The following ARNT variants were observed in gnomAD, a reference collection of about 807,000 sequenced individuals.
ARNT encodes the protein class E basic helix-loop-helix protein 2.
Under a neutral mutation model 105.0 loss-of-function variants are expected in ARNT, and 30 were observed. That is an observed-to-expected ratio of 0.29 (90% CI 0.21 to 0.39). ARNT has a LOEUF of 0.39. ARNT is among the 10% of genes least tolerant of loss of function. The pLI, the probability that ARNT is intolerant of heterozygous loss-of-function variation, is 1.00. For missense variants in ARNT, 748 were observed against 978.7 expected (o/e 0.76, Z 3.15); for synonymous variants, 304 against 344.0 (o/e 0.88, Z 1.29).
chr1:150,834,671 T>C (rs41315561), intron 7 of ARNT, 31 bp from the exon 8 acceptor site: 5 of 1,592,258 alleles, frequency 3.1e-6, no homozygotes, highest in East Asian at 4.5e-5. Flanking sequence ...CAGTCTGGAG[T>C]GCATTTTTGT....
intron 13 of ARNT, 70 bp from the exon 14 acceptor site, chr1:150,823,415 C>A (rs978197548): frequency 2.1e-5 from 31 of 1,470,560 alleles, no homozygotes; most frequent in Non-Finnish European, 2.7e-5. Flanking sequence ...TAAAAATTTT[C>A]CAATTTCTAT....
Position 150,861,197 on chromosome 1 carries a change from T to C in ARNT, c.26-2737A>G, listed in dbSNP as rs78632670. The C allele has an allele frequency of 4.2e-5, 13 of 306,868 alleles. No individual in the cohort carries two copies. The East Asian group carries it at 5.1e-4, about 12-fold the overall frequency. The allele number at this position is 306,868 out of a possible 1,614,324, so 19.0% of individuals were successfully genotyped here. Reference sequence around the variant, plus strand: ...GGCGTAACAGCAATAGAAAACAGTATGGAGATGCCTCCAAAAATTAAAAAT... The same window carrying C: ...GGCGTAACAGCAATAGAAAACAGTACGGAGATGCCTCCAAAAATTAAAAAT... On this transcript the variant is annotated intron_variant, in intron 1 of 21. Coordinates refer to ENST00000358595, the MANE Select transcript of ARNT (RefSeq NM_001668.4).
rs1655878490 is a variant in ARNT, at chr1:150,816,357, C to T, written c.1852G>A (p.Ala618Thr). 5 of 1,609,360 alleles carry T rather than the reference C, an allele frequency of 3.1e-6. No homozygotes were observed. Among genetic ancestry groups the T allele is most frequent in the Non-Finnish European group, 4.2e-6 (5 of 1,178,762 alleles). ...PVTIVQPSAS[A>T]GQMLAQISRH... ...GAAATCTGGGCCAACATCTGTCCTG[C>T]AGAAGCTGATGGCTGGACAATGGTT... The change falls in exon 19 of 22, where the codon GCA (alanine) becomes ACA (threonine). Residue 618 changes from alanine (A) to threonine (T), a missense_variant. This residue lies in a region of ARNT where 360 missense variants were observed against 411.9 expected (regional missense o/e 0.87). Transcript: ENST00000358595.
At chr1:150,864,269 T>C (rs1325117516) in intron 1 of ARNT, among the ~76,000 whole-genome samples, 1 of 152,130 alleles carries the variant, frequency 6.6e-6, no homozygotes, top group Non-Finnish European at 1.5e-5. Flanking sequence ...ACCACCATCA[T>C]ACATGCAGTC....
intron 2 of ARNT, among the ~76,000 whole-genome samples, chr1:150,856,504 T>C (rs1664640015): frequency 1.3e-5 from 2 of 152,074 alleles, no homozygotes; most frequent in Admixed American, 1.3e-4. Context: ...GGCTCATGCC[T>C]GTAATCCCAG....
intron 5 of ARNT, 31 bp downstream of exon 5, chr1:150,842,393 T>C (rs1458004023): frequency 6.2e-7 from 1 of 1,604,684 alleles, no homozygotes; most frequent in East Asian, 2.2e-5. Context: ...CATCATCTGC[T>C]TCATCATGCT....
intron 11 of ARNT, 51 bp from the exon 12 acceptor site, chr1:150,829,278 T>C (rs776046513): frequency 1.3e-6 from 2 of 1,568,602 alleles, no homozygotes; most frequent in Admixed American, 3.4e-5. Context: ...TATTTACAGA[T>C]GTATTTCCTA....
chr1:150,868,729 G>A (rs1051720243), intron 1 of ARNT, among the ~76,000 whole-genome samples: 3 of 150,726 alleles, frequency 2.0e-5, no homozygotes, highest in African/African-American at 4.9e-5. Flanking sequence ...GTGAAACCCC[G>A]TCTCTACTAA....
chr1:150,827,864 T>A (rs1286219305), intron 12 of ARNT, among the ~76,000 whole-genome samples: 1 of 152,208 alleles, frequency 6.6e-6, no homozygotes. Context: ...GCCATTCTAG[T>A]GGGTATATAG....
intron 2 of ARNT, among the ~76,000 whole-genome samples, 158 bp downstream of exon 2, chr1:150,858,191 A>G (rs2102289251): frequency 6.6e-6 from 1 of 152,366 alleles, no homozygotes; most frequent in South Asian, 2.1e-4. Flanking sequence ...AAACAAAAAT[A>G]CAGGGACTAA....
chr1:150,820,383 C>A (rs973371902), intron 14 of ARNT, among the ~76,000 whole-genome samples: 1 of 152,218 alleles, frequency 6.6e-6, no homozygotes, highest in African/African-American at 2.4e-5. Context: ...CTTACTCTGG[C>A]CAGGTGCAGT....
intron 1 of ARNT, among the ~76,000 whole-genome samples, chr1:150,867,962 A>G (rs1170397066): frequency 1.3e-5 from 2 of 152,100 alleles, no homozygotes; most frequent in African/African-American, 4.8e-5. Flanking sequence ...ACTATGAGTC[A>G]ATTAAACCTC....
chr1:150,856,013 A>T (rs1436809614), intron 2 of ARNT, among the ~76,000 whole-genome samples: 2 of 152,362 alleles, frequency 1.3e-5, no homozygotes, highest in East Asian at 1.9e-4. Flanking sequence ...TAGGCCATGT[A>T]AAACTATATA....
At chr1:150,866,692 T>TACATATACACACAC (rs1206240072) in intron 1 of ARNT, among the ~76,000 whole-genome samples, 1 of 150,056 alleles carries the variant, frequency 6.7e-6, no homozygotes, top group Admixed American at 6.6e-5. Flanking sequence ...TATACACACA[T>TACATATACACACAC]ACATATACAC....
chr1:150,828,161 AT>A (rs1658635753), intron 12 of ARNT, among the ~76,000 whole-genome samples: 1 of 151,844 alleles, frequency 6.6e-6, no homozygotes, highest in African/African-American at 2.4e-5. Context: ...CCAATTTATA[AT>A]TTTTTTTCTT....
At chr1:150,819,237 A>C (rs1355574572) in intron 14 of ARNT, among the ~76,000 whole-genome samples, 1 of 148,156 alleles carries the variant, frequency 6.7e-6, no homozygotes, top group Non-Finnish European at 1.5e-5. Context: ...AAAAAAAAAA[A>C]GGCAATAACA....
chr1:150,860,774 T>C (rs1665495972), intron 1 of ARNT, among the ~76,000 whole-genome samples: 1 of 151,270 alleles, frequency 6.6e-6, no homozygotes, highest in East Asian at 2.0e-4. Context: ...GGAGAATTAA[T>C]TGAACCCAGG....
At chr1:150,874,829 G>C (rs1286170388) in intron 1 of ARNT, among the ~76,000 whole-genome samples, 1 of 152,112 alleles carries the variant, frequency 6.6e-6, no homozygotes, top group East Asian at 1.9e-4. Flanking sequence ...CATTAACAAG[G>C]ATTCTGCACA....
intron 21 of ARNT, among the ~76,000 whole-genome samples, chr1:150,812,331 C>T (rs587595862): frequency 6.6e-6 from 1 of 152,222 alleles, no homozygotes; most frequent in South Asian, 2.1e-4. Flanking sequence ...TTTTCCTTTT[C>T]CTAGTTCTCA....
Sources: allele counts gnomAD v4.1 joint callset (sites outside exome capture counted in the v4.1 genomes callset), GRCh38; gene constraint gnomAD v4.1.1; regional missense constraint gnomAD v4.1.1; transcripts MANE v1.5; gene names NCBI Gene and HGNC (gene_info 2026-07-23, HGNC 2026-07-21).